PRKCQ: variants seen among roughly 807,000 people sequenced by gnomAD.
The protein encoded by PRKCQ is protein kinase C theta, also known as protein kinase C theta type.
In PRKCQ, 41 loss-of-function variants were observed where a neutral mutation model predicts 91.2. The ratio of observed to expected loss-of-function variants is 0.45; its 90% confidence interval spans 0.35 to 0.58. PRKCQ has a LOEUF of 0.58. Ranked by LOEUF, PRKCQ falls within the 20% of genes least tolerant of loss-of-function variation. The probability of loss-of-function intolerance (pLI) is 0.00; values close to 1 mark genes in which losing one functional copy is unlikely to be tolerated. For missense variants in PRKCQ, 673 were observed against 896.5 expected (o/e 0.75, Z 3.18); for synonymous variants, 307 against 316.9 (o/e 0.97, Z 0.33).
chr10:6,414,117 C>A, the PRKCQ span, among the ~76,000 whole-genome samples: 1 of 152,226 alleles, frequency 6.6e-6, no homozygotes, highest in East Asian at 1.9e-4. Flanking sequence ...CAAGGTGACT[C>A]CGGAAGGTTC....
chr10:6,441,251 T>C lies in PRKCQ; in HGVS notation c.1836+642A>G, dbSNP rs149103811. ...CTATATAACATAAATGCCCATTTTC[T>C]CCTGCCTCAGCCTTCTGAGTAGCTG... On this transcript the variant is annotated intron_variant, in intron 16 of 17. Transcript: ENST00000263125. Among the ~76,000 whole-genome samples, 240 of 152,310 alleles carry C rather than the reference T, an allele frequency of 1.6e-3. 1 individual carries two copies. Among genetic ancestry groups the C allele is most frequent in the Non-Finnish European group, 2.6e-3 (180 of 68,010 alleles).
At chr10:6,448,637 G>A (rs1220954339) in intron 15 of PRKCQ, among the ~76,000 whole-genome samples, 6 of 152,116 alleles carry the variant, frequency 3.9e-5, no homozygotes, top group African/African-American at 1.4e-4. Context: ...TTGATCTCCT[G>A]ACCTCATGAT....
intron 16 of PRKCQ, among the ~76,000 whole-genome samples, chr10:6,436,431 C>CT (rs1458078046): frequency 6.6e-6 from 1 of 152,144 alleles, no homozygotes; most frequent in Non-Finnish European, 1.5e-5. Context: ...AGGAGCTGGC[C>CT]TGGTACCGTG....
At chr10:6,431,440 A>G (rs1213438002) in intron 16 of PRKCQ, among the ~76,000 whole-genome samples, 1 of 152,190 alleles carries the variant, frequency 6.6e-6, no homozygotes, top group Non-Finnish European at 1.5e-5. Context: ...ACATGAACAC[A>G]TGCATACACA....
intron 1 of PRKCQ, among the ~76,000 whole-genome samples, chr10:6,528,071 C>T (rs990570465): frequency 2.0e-5 from 3 of 151,996 alleles, no homozygotes; most frequent in Non-Finnish European, 2.9e-5. Flanking sequence ...ATTTGGTAAG[C>T]GCTAATTAGA....
In PRKCQ at chr10:6,465,752, A is replaced by T. The variant is rs76982689; in HGVS notation, c.1354-1348T>A. 0.01 allele frequency among the ~76,000 whole-genome samples: 1,538 copies of T among 152,348 alleles called. 27 individuals carry two copies. The highest frequency in any genetic ancestry group is 0.035 in the African/African-American group (1,456 of 41,578). ...CTGGTCACCACAGAATGGGGAAACCAAGTATTGTGGCAATTATCTCAATAA... is the reference window on the plus strand; with the variant it reads ...CTGGTCACCACAGAATGGGGAAACCTAGTATTGTGGCAATTATCTCAATAA... On this transcript the variant is annotated intron_variant, in intron 12 of 17. Transcript: ENST00000263125. This position sits in a 1 kb window ranked among gnomAD's most constrained non-coding sequence, Gnocchi z 4.4.
chr10:6,453,668 C>G (rs186687946), intron 15 of PRKCQ, among the ~76,000 whole-genome samples: 12,818 of 152,118 alleles, frequency 0.084, 731 homozygotes, highest in Admixed American at 0.15. Context: ...TTGGAACCAA[C>G]CCAAATGTCC....
intron 1 of PRKCQ, among the ~76,000 whole-genome samples, chr10:6,542,005 G>C (rs1839792155): frequency 6.6e-6 from 1 of 152,180 alleles, no homozygotes; most frequent in Non-Finnish European, 1.5e-5. Context: ...TTAAGGTCAA[G>C]GAAAGCAACC....
rs754338868 is a variant in PRKCQ, at chr10:6,485,912, G to A, written c.900+123C>T. On this transcript the variant is annotated intron_variant, in intron 9 of 17. Transcript: ENST00000263125. Reference sequence around the variant, plus strand: ...CATGGATATGAAAGCCAAGGGCAAGGCCGGTGCTCAGAAATACATCCCGGC... The same window carrying A: ...CATGGATATGAAAGCCAAGGGCAAGACCGGTGCTCAGAAATACATCCCGGC... 6 of 775,988 alleles carry A rather than the reference G, an allele frequency of 7.7e-6. No individual in the cohort carries two copies. The East Asian group carries it at 1.3e-4, about 17-fold the overall frequency. The allele number at this position is 775,988 out of a possible 1,614,324, so 48.1% of individuals were successfully genotyped here. A position where few individuals can be genotyped will look rare whatever the true frequency, so the allele number is the denominator to read the frequency against.
At chr10:6,564,172 A>G (rs766751917) in intron 1 of PRKCQ, among the ~76,000 whole-genome samples, 6 of 152,160 alleles carry the variant, frequency 3.9e-5, no homozygotes, top group Non-Finnish European at 5.9e-5. Flanking sequence ...TTTGCAGGTG[A>G]TATGGAGTAA....
chr10:6,469,383 A>G (rs1349950650), intron 12 of PRKCQ, among the ~76,000 whole-genome samples: 1 of 152,148 alleles, frequency 6.6e-6, no homozygotes, highest in African/African-American at 2.4e-5. Context: ...ATGTCTACAC[A>G]GGCTTGAGGC....
At chr10:6,442,632 G>A (rs1834033069) in intron 15 of PRKCQ, among the ~76,000 whole-genome samples, 1 of 152,142 alleles carries the variant, frequency 6.6e-6, no homozygotes, top group South Asian at 2.1e-4. Flanking sequence ...ATCAAATTGT[G>A]TCCTGTGCCA....
intron 4 of PRKCQ, among the ~76,000 whole-genome samples, chr10:6,499,364 T>C (rs1564355078): frequency 1.3e-5 from 2 of 152,172 alleles, no homozygotes; most frequent in Non-Finnish European, 2.9e-5. Context: ...ATGACATCTT[T>C]CCAAAGGGTT....
chr10:6,438,262 C>T (rs1833797067), intron 16 of PRKCQ, among the ~76,000 whole-genome samples: 1 of 152,180 alleles, frequency 6.6e-6, no homozygotes, highest in African/African-American at 2.4e-5. Flanking sequence ...TTTCTAATGC[C>T]CAAGACAAGT....
At chr10:6,466,256 G>A (rs577901965) in intron 12 of PRKCQ, among the ~76,000 whole-genome samples, 3 of 152,270 alleles carry the variant, frequency 2.0e-5, no homozygotes, top group South Asian at 4.1e-4. Context: ...GTGGTGGGAG[G>A]GGACTGGAGG....
At chr10:6,502,817 T>C (rs1837992843) in intron 4 of PRKCQ, among the ~76,000 whole-genome samples, 3 of 152,182 alleles carry the variant, frequency 2.0e-5, no homozygotes, top group African/African-American at 7.2e-5. Context: ...AGTTATTATA[T>C]AATTAAGTAC....
chr10:6,407,230 A>G, the PRKCQ span, among the ~76,000 whole-genome samples: 1 of 149,684 alleles, frequency 6.7e-6, no homozygotes, highest in East Asian at 2.0e-4. This position sits in a 1 kb window ranked among gnomAD's most constrained non-coding sequence, Gnocchi z 4.0. Flanking sequence ...CAGGTAAGCG[A>G]GCACCCAGTC....
chr10:6,505,441 CTTCT>C (rs749359820), intron 4 of PRKCQ, among the ~76,000 whole-genome samples: 16 of 150,756 alleles, frequency 1.1e-4, no homozygotes, highest in Admixed American at 1.3e-4. Context: ...TTCTTCCTTC[CTTCT>C]TTCTTTCTTT....
chr10:6,418,073 T>C, the PRKCQ span, among the ~76,000 whole-genome samples: 1 of 152,216 alleles, frequency 6.6e-6, no homozygotes, highest in South Asian at 2.1e-4. Context: ...AACTTGTTTC[T>C]TCTGAAAGCG....
Sources: allele counts gnomAD v4.1 joint callset (sites outside exome capture counted in the v4.1 genomes callset), GRCh38; gene constraint gnomAD v4.1.1; non-coding constraint Gnocchi (gnomAD v3.1); transcripts MANE v1.5; gene names NCBI Gene and HGNC (gene_info 2026-07-23, HGNC 2026-07-21).